Variants in SKAP2 observed in about 807,000 individuals in gnomAD.
SKAP2 encodes src kinase-associated phosphoprotein 2.
SKAP2 carries 28 observed loss-of-function variants against 54.9 expected under a neutral mutation model. The ratio of observed to expected loss-of-function variants is 0.51; its 90% CI spans 0.38 to 0.70. SKAP2 has a LOEUF of 0.70. Ranked by LOEUF, SKAP2 falls within the 30% of genes least tolerant of loss-of-function variation. The probability of loss-of-function intolerance (pLI) is 0.00; values close to 1 mark genes in which losing one functional copy is unlikely to be tolerated. For missense variants in SKAP2, 356 were observed against 424.1 expected, an observed-to-expected ratio of 0.84 and a Z score of 1.41; for synonymous variants, 137 against 134.3, an observed-to-expected ratio of 1.02 and a Z score of -0.14.
In SKAP2 at chr7:26,834,652, T is replaced by C. The variant is rs542594600; in HGVS notation, c.307+9378A>G. Among the ~76,000 whole-genome samples, 82 of 152,160 alleles carry C rather than the reference T, an allele frequency of 5.4e-4. 1 individual carries two copies. The highest frequency in any genetic ancestry group is 5.3e-3 in the Admixed American group (81 of 15,274). On this transcript the variant is annotated intron_variant, in intron 4 of 12. Coordinates refer to ENST00000345317, the MANE Select transcript of SKAP2 (RefSeq NM_003930.5). ...CTCCCAAGGCTAAACCAGGAAGAAGTCAAATCTCTGAATAGACCCATAACA... is the reference window on the plus strand; with the variant it reads ...CTCCCAAGGCTAAACCAGGAAGAAGCCAAATCTCTGAATAGACCCATAACA...
chr7:26,857,658 G>A (rs1464072338), intron 1 of SKAP2: 2 of 985,298 alleles, frequency 2.0e-6, no homozygotes, highest in Non-Finnish European at 1.2e-6. Flanking sequence ...AAACCCCAGG[G>A]TTCCTCTCAG....
chr7:26,855,009 GTTAT>G (rs1785130264), intron 1 of SKAP2, 119 bp from the exon 2 acceptor site: 2 of 657,288 alleles, frequency 3.0e-6, no homozygotes, highest in Admixed American at 3.3e-5. Flanking sequence ...ATTTGTTATA[GTTAT>G]TTATCATTCC....
chr7:26,814,008 A>C (rs1297996580), intron 4 of SKAP2, among the ~76,000 whole-genome samples: 1 of 152,168 alleles, frequency 6.6e-6, no homozygotes, highest in East Asian at 1.9e-4. Context: ...ATTTGAGACA[A>C]CAGATTTAGC....
chr7:26,805,886 A>G (rs1465802739), intron 4 of SKAP2, among the ~76,000 whole-genome samples: 1 of 152,162 alleles, frequency 6.6e-6, no homozygotes, highest in Admixed American at 6.5e-5. Flanking sequence ...CTACAAGTTG[A>G]CGGTCTGTGG....
At chr7:26,722,550 C>T (rs1024801619) in intron 9 of SKAP2, among the ~76,000 whole-genome samples, 1 of 151,672 alleles carries the variant, frequency 6.6e-6, no homozygotes, top group Non-Finnish European at 1.5e-5. Context: ...TGCCACCATG[C>T]CCGGCTAATT....
At chr7:26,774,329 A>G (rs906967727) in intron 4 of SKAP2, among the ~76,000 whole-genome samples, 2 of 152,104 alleles carry the variant, frequency 1.3e-5, no homozygotes, top group Non-Finnish European at 2.9e-5. Flanking sequence ...ATAAAAAATA[A>G]AAATAAAAGC....
intron 4 of SKAP2, among the ~76,000 whole-genome samples, chr7:26,740,537 C>T (rs1649388080): frequency 6.6e-6 from 1 of 152,042 alleles, no homozygotes; most frequent in African/African-American, 2.4e-5. Context: ...CTAGACAGAT[C>T]TGATAAAACT....
At chr7:26,853,253 C>A (rs1186798923) in intron 3 of SKAP2, among the ~76,000 whole-genome samples, 1 of 152,256 alleles carries the variant, frequency 6.6e-6, no homozygotes, top group East Asian at 1.9e-4. Context: ...CTGGGATCTG[C>A]TAGCTTCAGT....
rs111316543 is a variant in SKAP2, at chr7:26,844,319, T to C, written c.200-182A>G. Among the ~76,000 whole-genome samples the C allele has an allele frequency of 2.7e-3, 413 of 152,260 alleles. 4 individuals are homozygous for C. The highest frequency in any genetic ancestry group is 9.5e-3 in the African/African-American group (394 of 41,576). ...TAAAAACAGGTCTTATTTTATTTTA[T>C]AGCCATTGTAACTTAGATATAGTAA... On this transcript the variant is annotated intron_variant, in intron 3 of 12. Transcript: ENST00000345317.
At chr7:26,750,195 G>A (rs11770043) in intron 4 of SKAP2, among the ~76,000 whole-genome samples, 78,552 of 151,752 alleles carry the variant, frequency 0.52, 21,623 homozygotes, top group East Asian at 0.88. Flanking sequence ...ACTTTTCTAT[G>A]GCATTAAAGC....
chr7:26,749,949 GT>G (rs66540308), intron 4 of SKAP2, among the ~76,000 whole-genome samples: 86,308 of 151,378 alleles, frequency 0.57, 25,077 homozygotes, highest in East Asian at 0.88. Context: ...TTTACCATGA[GT>G]TAGGTAAAGA....
the SKAP2 span, among the ~76,000 whole-genome samples, chr7:26,660,736 T>C: frequency 1.3e-5 from 2 of 152,086 alleles, no homozygotes; most frequent in East Asian, 3.9e-4. Context: ...AAGGTTAAGA[T>C]GGTAAGAGAA....
At chr7:26,848,846 A>G (rs1313108606) in intron 3 of SKAP2, among the ~76,000 whole-genome samples, 1 of 152,210 alleles carries the variant, frequency 6.6e-6, no homozygotes. Flanking sequence ...GATTCTCCTC[A>G]TAATTCTTCT....
At chr7:26,843,937 T>C (rs1309029955) in intron 4 of SKAP2, 93 bp downstream of exon 4, 3 of 782,970 alleles carry the variant, frequency 3.8e-6, no homozygotes, top group Non-Finnish European at 6.4e-6. Context: ...AACCGAAGCC[T>C]CTATGTTCAT....
intron 9 of SKAP2, among the ~76,000 whole-genome samples, chr7:26,702,151 ATTTTTTG>A (rs1443325545): frequency 2.6e-5 from 4 of 151,854 alleles, no homozygotes; most frequent in Non-Finnish European, 4.4e-5. Flanking sequence ...TTTGAACTAT[ATTTTTTG>A]TTTTTTGTTT....
chr7:26,863,513 G>C (rs1384163657), intron 1 of SKAP2, among the ~76,000 whole-genome samples: 2 of 152,084 alleles, frequency 1.3e-5, no homozygotes, highest in Non-Finnish European at 2.9e-5. Context: ...TTTCTACCTT[G>C]TACAGAAATA....
chr7:26,666,467 A>G (rs1247949037), downstream of SKAP2, among the ~76,000 whole-genome samples: 2 of 152,192 alleles, frequency 1.3e-5, no homozygotes, highest in Admixed American at 6.6e-5. Flanking sequence ...ATAAGAACTA[A>G]GAGTGAGCCT....
intron 1 of SKAP2, chr7:26,857,708 C>T: frequency 1.0e-6 from 1 of 985,444 alleles, no homozygotes; most frequent in Non-Finnish European, 1.2e-6. Context: ...TGGGGCAGAG[C>T]CCTCACTAGA....
chr7:26,715,569 G>T (rs957259682), intron 9 of SKAP2, among the ~76,000 whole-genome samples: 2 of 152,038 alleles, frequency 1.3e-5, no homozygotes, highest in African/African-American at 4.8e-5. Context: ...CTGACGTCAG[G>T]AGTTCAAGAC....
Sources: gnomAD v4.1 joint callset for allele counts (sites outside exome capture counted in the v4.1 genomes callset) on GRCh38, gnomAD v4.1.1 for gene constraint, MANE v1.5 for transcripts, NCBI Gene and HGNC (gene_info 2026-07-23, HGNC 2026-07-21) for gene names.